ST3GAL2: variants seen among roughly 807,000 people sequenced by gnomAD.
ST3GAL2 encodes CMP-N-acetylneuraminate-beta-galactosamide-alpha-2,3-sialyltransferase 2.
In ST3GAL2, 16 loss-of-function variants were observed where a neutral mutation model predicts 37.5. The observed-to-expected ratio is 0.43, with a 90% CI of 0.29 to 0.65. The LOEUF is 0.65. Among genes scored for constraint, ST3GAL2 ranks in the 30% least tolerant of loss-of-function variants. The probability of loss-of-function intolerance (pLI) is 0.17; values close to 1 mark genes in which losing one functional copy is unlikely to be tolerated. For synonymous variants in ST3GAL2, 238 were observed against 202.9 expected, an observed-to-expected ratio of 1.17 and a Z score of -1.47; for missense variants, 383 against 487.8, an observed-to-expected ratio of 0.79 and a Z score of 2.02.
At chr16:70,394,719 T>G (rs1017775952) in intron 3 of ST3GAL2, among the ~76,000 whole-genome samples, 4 of 152,202 alleles carry the variant, frequency 2.6e-5, no homozygotes. Context: ...AGGAATCTAA[T>G]GTCAGCTCTT....
intron 1 of ST3GAL2, among the ~76,000 whole-genome samples, chr16:70,405,697 G>A (rs1333878855): frequency 6.6e-6 from 1 of 152,140 alleles, no homozygotes; most frequent in Non-Finnish European, 1.5e-5. Flanking sequence ...GAAGAATGGG[G>A]AATGACTGCC....
At chr16:70,421,288 G>A (rs1345093628) in intron 1 of ST3GAL2, among the ~76,000 whole-genome samples, 1 of 152,192 alleles carries the variant, frequency 6.6e-6, no homozygotes, top group Non-Finnish European at 1.5e-5. Context: ...TGGCAATATC[G>A]CTGCTGTGAG....
chr16:70,408,700 G>A (rs1023787740), intron 1 of ST3GAL2, among the ~76,000 whole-genome samples: 2 of 151,696 alleles, frequency 1.3e-5, no homozygotes, highest in Admixed American at 6.6e-5. Context: ...TCTCAGCTCT[G>A]GTACCTCTTG....
At chr16:70,423,325 A>T (rs546129504) in intron 1 of ST3GAL2, among the ~76,000 whole-genome samples, 3 of 152,290 alleles carry the variant, frequency 2.0e-5, no homozygotes, top group Non-Finnish European at 4.4e-5. Flanking sequence ...CCTGGCCAAC[A>T]TGGTGAAATC....
intron 3 of ST3GAL2, among the ~76,000 whole-genome samples, chr16:70,389,412 C>T (rs1210246514): frequency 3.3e-5 from 5 of 150,536 alleles, no homozygotes; most frequent in Admixed American, 6.6e-5. Flanking sequence ...CAGGTTCAAG[C>T]GATTCTCCTG....
chr16:70,430,611 A>C (rs2047783295), intron 1 of ST3GAL2, among the ~76,000 whole-genome samples: 1 of 152,174 alleles, frequency 6.6e-6, no homozygotes, highest in Non-Finnish European at 1.5e-5. Flanking sequence ...CCCCTGAGCC[A>C]TGCTGGAGGC....
At chr16:70,404,330 T>G (rs1405317700) in intron 1 of ST3GAL2, among the ~76,000 whole-genome samples, 1 of 152,056 alleles carries the variant, frequency 6.6e-6, no homozygotes, top group Non-Finnish European at 1.5e-5. Flanking sequence ...ATTAACAGTG[T>G]CAAGTGTTTG....
At chr16:70,388,711 T>C (rs1463279045) in intron 3 of ST3GAL2, among the ~76,000 whole-genome samples, 165 bp from the exon 4 acceptor site, 2 of 152,092 alleles carry the variant, frequency 1.3e-5, no homozygotes, top group Non-Finnish European at 2.9e-5. Flanking sequence ...TACAAAGGTG[T>C]GCAAAGATGT....
chr16:70,402,386 A>C (rs1464358979), intron 1 of ST3GAL2, among the ~76,000 whole-genome samples: 1 of 152,186 alleles, frequency 6.6e-6, no homozygotes, highest in African/African-American at 2.4e-5. Flanking sequence ...ACAGGGATGA[A>C]TATGGCCAAA....
At position 70,382,838 on chromosome 16, in the gene ST3GAL2, C is replaced by T; in HGVS notation, c.846G>A (p.Leu282=). The T allele has an allele frequency of 6.2e-7, 1 of 1,614,138 alleles. No individual in the cohort carries two copies. Among genetic ancestry groups the T allele is most frequent in the Non-Finnish European group, 8.5e-7 (1 of 1,180,022 alleles). ...HHGRYPSTGM[L]VLFFALHVCD... ...ACACATGCAGGGCAAAGAAAAGCAC[C>T]AGCATCCCCGTGGAAGGGTACCGCC... Residue 282 remains leucine (L), a synonymous_variant, in exon 6 of 7, where the codon CTG becomes CTA. Coordinates refer to ENST00000342907, the MANE Select transcript of ST3GAL2 (RefSeq NM_006927.4).
chr16:70,420,113 G>A (rs2047704914), intron 1 of ST3GAL2, among the ~76,000 whole-genome samples: 1 of 142,402 alleles, frequency 7.0e-6, no homozygotes, highest in Non-Finnish European at 1.5e-5. Context: ...TGCAACCTCT[G>A]TCCCCGGGTT....
At position 70,380,132 on chromosome 16, in the gene ST3GAL2, T is replaced by A. The variant is rs917968451; in HGVS notation, c.*1557A>T. On this transcript the variant is annotated 3_prime_UTR_variant, in exon 7 of 7. Transcript: ENST00000342907. ...GGGGGGAGCGCCCTGAGAGAGGCAT[T>A]CTACTAACCCCACCCCAATCACCCC... The A allele has an allele frequency of 2.6e-5, 4 of 152,158 alleles. No homozygotes were observed. Among genetic ancestry groups the A allele is most frequent in the African/African-American group, 9.7e-5 (4 of 41,390 alleles). 9.4% of individuals were successfully genotyped at this position (152,158 alleles called of 1,614,324 possible).
intron 1 of ST3GAL2, among the ~76,000 whole-genome samples, chr16:70,428,894 C>T (rs2047769459): frequency 6.6e-6 from 1 of 152,186 alleles, no homozygotes; most frequent in Non-Finnish European, 1.5e-5. Flanking sequence ...TAGAGCAGAG[C>T]ACAGGATGTA....
rs764530486 is a variant in ST3GAL2, at chr16:70,423,779, C to A, written c.-1004+15170G>T. ...ACAACCTCCACCTCCTGGGTTAAAGCGATTCTCCTGGCCGGGTGCAGTGGC... is the reference window on the plus strand; with the variant it reads ...ACAACCTCCACCTCCTGGGTTAAAGAGATTCTCCTGGCCGGGTGCAGTGGC... On this transcript the variant is annotated intron_variant, in intron 1 of 6. Coordinates refer to ENST00000342907, the MANE Select transcript of ST3GAL2 (RefSeq NM_006927.4). Among the ~76,000 whole-genome samples the A allele has an allele frequency of 9.2e-4, 138 of 149,936 alleles. 1 individual carries two copies. Among genetic ancestry groups the A allele is most frequent in the Middle Eastern group, 6.8e-3 (2 of 292 alleles).
chr16:70,386,933 A>G (rs2047447499), intron 4 of ST3GAL2, among the ~76,000 whole-genome samples: 1 of 149,572 alleles, frequency 6.7e-6, no homozygotes, highest in Non-Finnish European at 1.5e-5. Context: ...CGTGAGCCGC[A>G]GTGCCCGGCC....
In ST3GAL2 at chr16:70,399,324, G is replaced by T; in HGVS notation, c.-794C>A. ...TCCTCTGGCGCTGGGAACAGCTGCT[G>T]TTCAGCGGGGCACTGTGTCCAATAC... On this transcript the variant is annotated 5_prime_UTR_variant, in exon 2 of 7. Coordinates refer to ENST00000342907, the MANE Select transcript of ST3GAL2 (RefSeq NM_006927.4). The T allele has an allele frequency of 2.5e-6, 1 of 398,806 alleles. No individual in the cohort carries two copies. The highest frequency in any genetic ancestry group is 4.4e-6 in the Non-Finnish European group (1 of 226,222). 24.7% of individuals were successfully genotyped at this position (398,806 alleles called of 1,614,324 possible).
rs1409857328 is a variant in ST3GAL2, at chr16:70,383,453, G to GCA, written c.714-220_714-219dup. 4.0e-5 allele frequency among the ~76,000 whole-genome samples: 6 copies of GCA among 151,292 alleles called. 1 individual carries two copies. In the Admixed American group the frequency reaches 4.0e-4, roughly 10 times the overall value. ...ACAAAAATTAGCTGGGTGTGGTGGA[G>GCA]CACAGCTGTTATCCCAGCTACTTGG... On this transcript the variant is annotated intron_variant, in intron 4 of 6. Transcript: ENST00000342907.
intron 1 of ST3GAL2, among the ~76,000 whole-genome samples, chr16:70,424,148 A>G (rs1296503325): frequency 1.3e-5 from 2 of 149,694 alleles, no homozygotes; most frequent in Non-Finnish European, 3.0e-5. Flanking sequence ...CATGACGCCC[A>G]GCTAATTTTT....
At chr16:70,395,879 G>A (rs530099581) in intron 2 of ST3GAL2, among the ~76,000 whole-genome samples, 2 of 152,298 alleles carry the variant, frequency 1.3e-5, no homozygotes, top group South Asian at 2.1e-4. Flanking sequence ...TTGCTGCCAC[G>A]TGGGATCATG....
Sources: allele counts gnomAD v4.1 joint callset (sites outside exome capture counted in the v4.1 genomes callset), GRCh38; gene constraint gnomAD v4.1.1; transcripts MANE v1.5; gene names NCBI Gene and HGNC (gene_info 2026-07-23, HGNC 2026-07-21).